The following PCNX2 variants were observed in gnomAD, a reference collection of about 807,000 sequenced individuals.
PCNX2 encodes pecanex-like protein 2.
In PCNX2, 168 loss-of-function variants were observed where a neutral mutation model predicts 223.8. The ratio of observed to expected loss-of-function variants is 0.75; its 90% CI spans 0.66 to 0.85. The LOEUF (loss-of-function observed/expected upper bound fraction) is 0.85. PCNX2 is among the 40% of genes least tolerant of loss of function. The pLI is 0.00. For synonymous variants in PCNX2, 1,006 were observed against 1,052.6 expected, an observed-to-expected ratio of 0.96 and a Z score of 0.86; for missense variants, 2,507 against 2,675.5, an observed-to-expected ratio of 0.94 and a Z score of 1.39.
intron 17 of PCNX2, among the ~76,000 whole-genome samples, chr1:233,161,626 C>T (rs556400034): frequency 1.4e-4 from 21 of 152,052 alleles, no homozygotes; most frequent in Middle Eastern, 3.4e-3. Flanking sequence ...GGGTGCTAAC[C>T]ATAGAAAGAA....
intron 8 of PCNX2, among the ~76,000 whole-genome samples, chr1:233,249,249 T>C (rs1302537652): frequency 6.6e-6 from 1 of 152,182 alleles, no homozygotes; most frequent in Non-Finnish European, 1.5e-5. Flanking sequence ...ATATTTATCC[T>C]GGGGGGAAAA....
intron 1 of PCNX2, among the ~76,000 whole-genome samples, chr1:233,284,735 A>T (rs1661357217): frequency 6.6e-6 from 1 of 152,184 alleles, no homozygotes. Context: ...TCTCAGGCAC[A>T]GGGTAGAATT....
At chr1:233,120,824 TTAGAG>T (rs1464275872) in intron 21 of PCNX2, among the ~76,000 whole-genome samples, 3 of 152,046 alleles carry the variant, frequency 2.0e-5, no homozygotes, top group Non-Finnish European at 4.4e-5. Context: ...AAACAAAGTG[TTAGAG>T]TAGATTAAAA....
chr1:233,110,334 C>CA (rs1675046409), intron 21 of PCNX2, among the ~76,000 whole-genome samples: 1 of 152,116 alleles, frequency 6.6e-6, no homozygotes, highest in Non-Finnish European at 1.5e-5. Flanking sequence ...AGAAACCATG[C>CA]AAGCCAGCAG....
intron 21 of PCNX2, among the ~76,000 whole-genome samples, chr1:233,120,202 GAAAA>G (rs148327443): frequency 7.9e-6 from 1 of 127,072 alleles, no homozygotes; most frequent in African/African-American, 3.1e-5. Context: ...AAAGAAAAAA[GAAAA>G]AAAAAGAGTA....
At chr1:233,046,024 C>T (rs1292079381) in intron 25 of PCNX2, among the ~76,000 whole-genome samples, 1 of 152,246 alleles carries the variant, frequency 6.6e-6, no homozygotes, top group African/African-American at 2.4e-5. Context: ...TAGCTCACAA[C>T]CAAGAACTCT....
chr1:233,088,728 G>T (rs1311734914), intron 23 of PCNX2, among the ~76,000 whole-genome samples: 2 of 152,172 alleles, frequency 1.3e-5, no homozygotes, highest in African/African-American at 4.8e-5. Context: ...ACCCCTAAAT[G>T]TGAGATTGTC....
chr1:233,047,939 A>C (rs1671874961), intron 25 of PCNX2, among the ~76,000 whole-genome samples: 1 of 152,190 alleles, frequency 6.6e-6, no homozygotes, highest in African/African-American at 2.4e-5. Flanking sequence ...ACATACTGCA[A>C]GATCAACCAC....
intron 10 of PCNX2, among the ~76,000 whole-genome samples, chr1:233,226,281 G>C (rs373153170): frequency 1.7e-3 from 257 of 149,632 alleles, no homozygotes; most frequent in African/African-American, 5.7e-3. Flanking sequence ...TTTTCTGGGT[G>C]GGGGGGAGAT....
chr1:233,121,009 A>C (rs1017387316), intron 21 of PCNX2, among the ~76,000 whole-genome samples: 5 of 152,016 alleles, frequency 3.3e-5, no homozygotes, highest in African/African-American at 1.2e-4. Context: ...AACAAAAGTC[A>C]ATTGCTTTCT....
chr1:233,084,882 T>A (rs1323511813), intron 23 of PCNX2, among the ~76,000 whole-genome samples: 2 of 152,212 alleles, frequency 1.3e-5, no homozygotes, highest in Non-Finnish European at 2.9e-5. Flanking sequence ...GGAATTAAAA[T>A]AAAGACACCA....
In PCNX2 at chr1:233,044,369, G is replaced by T. The variant is rs373533348; in HGVS notation, c.4351+9899C>A. ...CCCATTTTGTAGGTTGCCTGTTCAC[G>T]CTGATGGTAGTTTCTTTTGCTGTGC... On this transcript the variant is annotated intron_variant, in intron 25 of 33. Coordinates refer to ENST00000258229, the MANE Select transcript of PCNX2 (RefSeq NM_014801.4). Among the ~76,000 whole-genome samples the T allele has an allele frequency of 3.3e-5, 5 of 151,912 alleles. No individual in the cohort carries two copies. In the South Asian group the frequency reaches 8.3e-4, roughly 25 times the overall value.
At chr1:233,168,249 G>A (rs1678919203) in intron 17 of PCNX2, among the ~76,000 whole-genome samples, 2 of 152,036 alleles carry the variant, frequency 1.3e-5, no homozygotes, top group South Asian at 2.1e-4. Flanking sequence ...AGAGAAGAGA[G>A]GGGAAAATCA....
At chr1:233,210,444 A>G (rs566252697) in intron 12 of PCNX2, 10 of 267,422 alleles carry the variant, frequency 3.7e-5, no homozygotes, top group South Asian at 2.8e-4. Flanking sequence ...TGCCTGGCTA[A>G]TTTTTTGTAT....
intron 12 of PCNX2, among the ~76,000 whole-genome samples, chr1:233,216,458 C>T (rs755046492): frequency 6.6e-6 from 1 of 152,048 alleles, no homozygotes; most frequent in African/African-American, 2.4e-5. Flanking sequence ...AAAGAATAAA[C>T]GATTCAGGGA....
the PCNX2 span, among the ~76,000 whole-genome samples, chr1:233,301,947 AC>A: frequency 6.7e-6 from 1 of 149,222 alleles, no homozygotes; most frequent in African/African-American, 2.4e-5. Context: ...ATGCACCACC[AC>A]CCCCGGCTAA....
chr1:233,186,168 C>T (rs1271481659), intron 15 of PCNX2, among the ~76,000 whole-genome samples: 1 of 152,082 alleles, frequency 6.6e-6, no homozygotes, highest in Non-Finnish European at 1.5e-5. Flanking sequence ...CTTTGCTATG[C>T]CTTTCATATC....
chr1:233,289,810 G>A (rs1388689838), intron 1 of PCNX2, among the ~76,000 whole-genome samples: 1 of 120,988 alleles, frequency 8.3e-6, no homozygotes, highest in African/African-American at 2.6e-5. Context: ...GAATGGCAAC[G>A]TGCCAAGCAG....
At chr1:233,313,072 G>A in the PCNX2 span, among the ~76,000 whole-genome samples, 1,281 of 152,170 alleles carry the variant, frequency 8.4e-3, 15 homozygotes, top group Middle Eastern at 0.027. Flanking sequence ...ATCACAACAC[G>A]GATGGATCTT....
Sources: allele counts gnomAD v4.1 joint callset (sites outside exome capture counted in the v4.1 genomes callset), GRCh38; gene constraint gnomAD v4.1.1; transcripts MANE v1.5; gene names NCBI Gene and HGNC (gene_info 2026-07-23, HGNC 2026-07-21).